RTL4: variants seen among roughly 807,000 people sequenced by gnomAD.
The protein encoded by RTL4 is retrotransposon Gag-like protein 4.
Under a neutral mutation model 5.3 loss-of-function variants are expected in RTL4, and 4 were observed. The observed-to-expected ratio is 0.75, with a 90% CI of 0.37 to 1.72. The LOEUF (loss-of-function observed/expected upper bound fraction) is 1.72, where lower values mean the gene tolerates loss of function less well. RTL4 is among the 40% of genes most tolerant of loss of function. The probability of loss-of-function intolerance (pLI) is 0.04; values close to 1 mark genes in which losing one functional copy is unlikely to be tolerated. For missense variants in RTL4, 260 were observed against 227.1 expected, an observed-to-expected ratio of 1.14 and a Z score of -0.93; for synonymous variants, 98 against 87.3, an observed-to-expected ratio of 1.12 and a Z score of -0.68.
At chrX:112,186,032 T>C in the RTL4 span, among the ~76,000 whole-genome samples, 1 of 111,255 alleles carries the variant, frequency 9.0e-6, no homozygotes, top group Non-Finnish European at 1.9e-5. Context: ...CTGAAACCCA[T>C]GCTTACCTTT....
At chrX:112,276,454 C>A in the RTL4 span, among the ~76,000 whole-genome samples, 4 of 112,084 alleles carry the variant, frequency 3.6e-5, no homozygotes, top group South Asian at 1.5e-3. Flanking sequence ...GTCATACTCC[C>A]CACTAGTCTA....
At chrX:112,121,698 A>G in the RTL4 span, among the ~76,000 whole-genome samples, 1 of 111,771 alleles carries the variant, frequency 8.9e-6, no homozygotes, top group Admixed American at 9.5e-5. Flanking sequence ...ATATTAACAA[A>G]TTGATTTCAG....
At chrX:112,273,631 A>T in the RTL4 span, among the ~76,000 whole-genome samples, 1 of 111,674 alleles carries the variant, frequency 9.0e-6, no homozygotes, top group African/African-American at 3.3e-5. Flanking sequence ...AATAAGTTCC[A>T]TCATTTGTTG....
At chrX:112,170,709 T>A in the RTL4 span, among the ~76,000 whole-genome samples, 1 of 111,631 alleles carries the variant, frequency 9.0e-6, no homozygotes, top group African/African-American at 3.3e-5. Flanking sequence ...CAGCTTGACC[T>A]CCTCTCTTGC....
the RTL4 span, among the ~76,000 whole-genome samples, chrX:112,321,017 A>G: frequency 1.8e-5 from 2 of 110,656 alleles, no homozygotes; most frequent in East Asian, 5.7e-4. Flanking sequence ...TCAAAACAAC[A>G]TTCACCTCAT....
the RTL4 span, among the ~76,000 whole-genome samples, chrX:112,198,029 C>T: frequency 3.6e-5 from 4 of 111,111 alleles, no homozygotes; most frequent in African/African-American, 6.5e-5. Context: ...CAGAAGGCCT[C>T]GTCTGAGAGT....
At chrX:112,158,963 G>C in the RTL4 span, among the ~76,000 whole-genome samples, 2 of 111,426 alleles carry the variant, frequency 1.8e-5, no homozygotes, top group African/African-American at 6.5e-5. Context: ...GCTATTTTGG[G>C]GGAACTCTTG....
At chrX:112,138,691 G>A in the RTL4 span, among the ~76,000 whole-genome samples, 1 of 110,966 alleles carries the variant, frequency 9.0e-6, no homozygotes, top group Non-Finnish European at 1.9e-5. Flanking sequence ...ATAAATTTTA[G>A]AATCAGTTTG....
At chrX:112,245,804 C>T in the RTL4 span, among the ~76,000 whole-genome samples, 1 of 112,502 alleles carries the variant, frequency 8.9e-6, no homozygotes, top group African/African-American at 3.2e-5. Context: ...TTCAGCTTCT[C>T]TGCTCTGGTT....
At chrX:112,420,166 G>A in the RTL4 span, among the ~76,000 whole-genome samples, 1 of 111,404 alleles carries the variant, frequency 9.0e-6, no homozygotes, top group Non-Finnish European at 1.9e-5. Flanking sequence ...TCCAATGACT[G>A]TGGAATAGGT....
the RTL4 span, among the ~76,000 whole-genome samples, chrX:112,391,718 T>A: frequency 9.1e-6 from 1 of 109,832 alleles, no homozygotes; most frequent in Non-Finnish European, 1.9e-5. Context: ...TCCCTCTCAA[T>A]GCTCCAAAAG....
At chrX:112,136,552 TG>T in the RTL4 span, among the ~76,000 whole-genome samples, 1 of 112,018 alleles carries the variant, frequency 8.9e-6, no homozygotes, top group African/African-American at 3.2e-5. Flanking sequence ...CACAAATAAA[TG>T]GAAAAACATC....
the RTL4 span, among the ~76,000 whole-genome samples, chrX:112,393,147 C>CTTTTTTTTTTTTTTTTTTT: frequency 3.7e-5 from 3 of 81,480 alleles, no homozygotes; most frequent in Non-Finnish European, 6.9e-5. Context: ...TTCTTTCTTT[C>CTTTTTTTTTTTTTTTTTTT]TTTTTTTTTT....
the RTL4 span, among the ~76,000 whole-genome samples, chrX:112,295,350 C>CAGT: frequency 8.9e-6 from 1 of 111,833 alleles, no homozygotes; most frequent in African/African-American, 3.3e-5. Context: ...GCTTCTAGGG[C>CAGT]AGTATGCTTT....
the RTL4 span, among the ~76,000 whole-genome samples, chrX:112,412,533 A>G: frequency 9.0e-6 from 1 of 111,570 alleles, no homozygotes; most frequent in Non-Finnish European, 1.9e-5. Context: ...CAGAGTAGAA[A>G]AGTCAGAAAC....
the RTL4 span, among the ~76,000 whole-genome samples, chrX:112,226,179 G>T: frequency 8.9e-6 from 1 of 111,883 alleles, no homozygotes; most frequent in South Asian, 3.7e-4. Flanking sequence ...TTTAAACCCA[G>T]CTCTTTTAAA....
At chrX:112,337,174 C>G in the RTL4 span, among the ~76,000 whole-genome samples, 1 of 112,169 alleles carries the variant, frequency 8.9e-6, no homozygotes, top group Admixed American at 9.5e-5. Flanking sequence ...GCATTTTAAA[C>G]ATATTCCCAG....
chrX:112,417,642 G>A, the RTL4 span, among the ~76,000 whole-genome samples: 2 of 111,085 alleles, frequency 1.8e-5, no homozygotes, highest in African/African-American at 6.5e-5. Flanking sequence ...TCAAAGGGCA[G>A]ACTCCTGATT....
At chrX:112,348,531 C>T in the RTL4 span, among the ~76,000 whole-genome samples, 1 of 109,948 alleles carries the variant, frequency 9.1e-6, no homozygotes, top group Non-Finnish European at 1.9e-5. Flanking sequence ...AGGAACAAAC[C>T]ACATAACTAT....
Sources: allele counts gnomAD v4.1 joint callset (sites outside exome capture counted in the v4.1 genomes callset), GRCh38; gene constraint gnomAD v4.1.1; transcripts MANE v1.5; gene names NCBI Gene and HGNC (gene_info 2026-07-23, HGNC 2026-07-21).